The following ZMIZ1 variants were observed in gnomAD, a reference collection of about 807,000 sequenced individuals.
ZMIZ1 encodes zinc finger MIZ-type containing 1.
In ZMIZ1, 17 loss-of-function variants were observed where a neutral mutation model predicts 113.9. That is an observed-to-expected ratio of 0.15 (90% CI 0.10 to 0.22). The LOEUF is 0.22. ZMIZ1 is among the 10% of genes least tolerant of loss of function. The probability of loss-of-function intolerance (pLI) is 1.00; values close to 1 mark genes in which losing one functional copy is unlikely to be tolerated. For missense variants in ZMIZ1, 1,059 were observed against 1,477.8 expected (o/e 0.72, Z 4.65); for synonymous variants, 607 against 603.1 (o/e 1.01, Z -0.09).
rs573573870 is a variant in ZMIZ1, at chr10:79,218,192, T to TG, written c.280+1919dup. On this transcript the variant is annotated intron_variant, in intron 7 of 24. Transcript: ENST00000334512. The stretch of plus-strand genomic sequence containing the variant: ...CGAAAACTTTATTTATGAAAACAAG[T>TG]GCTGTGTGCAGTGGCTCACACCTGT... Among the ~76,000 whole-genome samples, 613 of 152,250 alleles carry TG rather than the reference T, an allele frequency of 4.0e-3. 1 individual carries two copies. Among genetic ancestry groups the TG allele is most frequent in the African/African-American group, 0.014 (567 of 41,548 alleles).
chr10:79,082,463 C>T (rs1365743497), intron 1 of ZMIZ1, among the ~76,000 whole-genome samples: 1 of 152,196 alleles, frequency 6.6e-6, no homozygotes, highest in Non-Finnish European at 1.5e-5. Flanking sequence ...GGTGTGATCC[C>T]TTCCAGGCCC....
chr10:79,161,133 A>C (rs1165401416), intron 3 of ZMIZ1, among the ~76,000 whole-genome samples: 1 of 151,836 alleles, frequency 6.6e-6, no homozygotes, highest in East Asian at 1.9e-4. Context: ...GTGTGCCCAC[A>C]CTCCCAGTGC....
intron 4 of ZMIZ1, among the ~76,000 whole-genome samples, chr10:79,163,087 T>A (rs1277163354): frequency 6.6e-6 from 1 of 152,250 alleles, no homozygotes; most frequent in Non-Finnish European, 1.5e-5. Context: ...GATGAGAGAC[T>A]TCACAAAAAT....
At chr10:79,240,450 C>T (rs1034412120) in intron 7 of ZMIZ1, among the ~76,000 whole-genome samples, 1 of 152,088 alleles carries the variant, frequency 6.6e-6, no homozygotes, top group African/African-American at 2.4e-5. Context: ...GGTTGGAGTG[C>T]CCGTATTTCT....
In ZMIZ1 at chr10:79,224,533, G is replaced by A. The variant is rs149072207; in HGVS notation, c.280+8259G>A. On this transcript the variant is annotated intron_variant, in intron 7 of 24. Transcript: ENST00000334512. The stretch of plus-strand genomic sequence containing the variant: ...GGTGTACACAAGGACACCCTGGGCC[G>A]AGCCAGTGGGTACCTGCTTTCCAGG... 4.6e-3 allele frequency among the ~76,000 whole-genome samples: 698 copies of A among 152,244 alleles called. 7 individuals are homozygous for A. The highest frequency in any genetic ancestry group is 0.015 in the African/African-American group (643 of 41,520).
In ZMIZ1 at chr10:79,281,485, G is replaced by A. The variant is rs60308152; in HGVS notation, c.425+4160G>A. Among the ~76,000 whole-genome samples, 1,411 of 152,252 alleles carry A rather than the reference G, an allele frequency of 9.3e-3. 22 individuals are homozygous for A. Among genetic ancestry groups the A allele is most frequent in the African/African-American group, 0.033 (1,369 of 41,532 alleles). On this transcript the variant is annotated intron_variant, in intron 8 of 24. Coordinates refer to ENST00000334512, the MANE Select transcript of ZMIZ1 (RefSeq NM_020338.4). The stretch of plus-strand genomic sequence containing the variant: ...GCTTTCCCAAGAAATGTTATGGGCC[G>A]AAGAGCCACTGGCCAGCACCCAGTG...
rs1233548303 is a variant in ZMIZ1, at chr10:79,069,806, T to C, written c.-337+536T>C. On this transcript the variant is annotated intron_variant, in intron 1 of 24. Coordinates refer to ENST00000334512, the MANE Select transcript of ZMIZ1 (RefSeq NM_020338.4). This position sits in a 1 kb window ranked among gnomAD's most constrained non-coding sequence, Gnocchi z 4.6. Reference sequence around the variant, plus strand: ...GAATTTCCAGGGAAAACATACACTTTTGTAAATGGGAGGTGGGGGCGCGGT... The same window carrying C: ...GAATTTCCAGGGAAAACATACACTTCTGTAAATGGGAGGTGGGGGCGCGGT... 5.9e-5 allele frequency among the ~76,000 whole-genome samples: 9 copies of C among 152,002 alleles called. No homozygotes were observed. The highest frequency in any genetic ancestry group is 1.5e-5 in the Non-Finnish European group (1 of 67,962).
chr10:79,100,437 G>GAAA (rs748608550), intron 1 of ZMIZ1, among the ~76,000 whole-genome samples: 11 of 110,728 alleles, frequency 9.9e-5, no homozygotes, highest in South Asian at 3.2e-4. Context: ...CACCATCTCT[G>GAAA]AAAAAAAAAA....
intron 7 of ZMIZ1, among the ~76,000 whole-genome samples, chr10:79,236,316 G>A (rs1849584250): frequency 6.6e-6 from 1 of 152,224 alleles, no homozygotes; most frequent in South Asian, 2.1e-4. Context: ...GGCTGCTCCA[G>A]CCCAGACAGG....
At chr10:79,257,617 A>C (rs1438785023) in intron 7 of ZMIZ1, among the ~76,000 whole-genome samples, 1 of 152,218 alleles carries the variant, frequency 6.6e-6, no homozygotes, top group Non-Finnish European at 1.5e-5. Flanking sequence ...CTCACAGACC[A>C]TGGTGATGTT....
At chr10:79,264,524 C>T (rs1026038669) in intron 7 of ZMIZ1, among the ~76,000 whole-genome samples, 10 of 152,226 alleles carry the variant, frequency 6.6e-5, no homozygotes, top group Non-Finnish European at 1.5e-4. Context: ...TGGTCTAGAG[C>T]TCCTCCGCCA....
In ZMIZ1 at chr10:79,311,067, G is replaced by A. The variant is rs147630972; in HGVS notation, c.2979G>A (p.Pro993=). 1.8e-3 allele frequency: 2,905 copies of A among 1,613,430 alleles called. 7 individuals carry two copies. The highest frequency in any genetic ancestry group is 2.2e-3 in the Non-Finnish European group (2,557 of 1,179,980). The stretch of plus-strand genomic sequence containing the variant: ...CTCCTTCCCAGCCTCCCCGGCAGCC[G>A]CCACAGGCCGCTCCCAGCAGCCATC... ...PPPPSQPPRQ[P]PQAAPSSHPH... Residue 993 remains proline (P), a synonymous_variant, in exon 24 of 25, where the codon CCG becomes CCA. Transcript: ENST00000334512.
chr10:79,311,108 C>A lies in ZMIZ1; in HGVS notation c.3020C>A (p.Thr1007Asn). Reference protein sequence around the residue: ...APSSHPHSDLTFNPSSALEGQ... With the variant: ...APSSHPHSDLNFNPSSALEGQ... Reference sequence around the variant, plus strand: ...AGCAGCCATCCACACAGCGACCTGACCTTTAACCCCTCCTCAGCCTTAGAG... The same window carrying A: ...AGCAGCCATCCACACAGCGACCTGAACTTTAACCCCTCCTCAGCCTTAGAG... Residue 1007 changes from threonine to asparagine, a missense_variant, in exon 24 of 25, where the codon ACC becomes AAC. By Grantham distance (65) the Thr-to-Asn change is moderately conservative. Transcript: ENST00000334512. 1 of 1,613,764 alleles carries A rather than the reference C, an allele frequency of 6.2e-7. No homozygotes were observed. Among genetic ancestry groups the A allele is most frequent in the South Asian group, 1.1e-5 (1 of 91,082 alleles).
intron 1 of ZMIZ1, among the ~76,000 whole-genome samples, chr10:79,097,666 T>C (rs1843218282): frequency 1.3e-5 from 2 of 152,234 alleles, no homozygotes; most frequent in African/African-American, 2.4e-5. Flanking sequence ...TGGCAAGCTC[T>C]GATAGAAATT....
chr10:79,243,261 T>C (rs1589472761), intron 7 of ZMIZ1, among the ~76,000 whole-genome samples: 2 of 149,116 alleles, frequency 1.3e-5, no homozygotes, highest in East Asian at 2.0e-4. Context: ...GCGCGCCCCG[T>C]GCGCCCCCGC....
chr10:79,202,237 A>G (rs1188162273), intron 5 of ZMIZ1, among the ~76,000 whole-genome samples: 3 of 147,702 alleles, frequency 2.0e-5, no homozygotes, highest in Non-Finnish European at 4.5e-5. Flanking sequence ...GAAGGAAGGA[A>G]GGAGGGAGAA....
At chr10:79,276,036 G>A (rs1165682876) in intron 7 of ZMIZ1, among the ~76,000 whole-genome samples, 2 of 152,094 alleles carry the variant, frequency 1.3e-5, no homozygotes, top group African/African-American at 2.4e-5. Flanking sequence ...CTTCCATAAC[G>A]CTCAGGTCAC....
intron 6 of ZMIZ1, among the ~76,000 whole-genome samples, chr10:79,211,089 C>T (rs1848512705): frequency 6.6e-6 from 1 of 152,192 alleles, no homozygotes; most frequent in African/African-American, 2.4e-5. Flanking sequence ...GTAGAGCCAG[C>T]AGCTTGAAGG....
intron 4 of ZMIZ1, among the ~76,000 whole-genome samples, chr10:79,189,813 G>A (rs958086923): frequency 6.6e-6 from 1 of 152,268 alleles, no homozygotes; most frequent in African/African-American, 2.4e-5. Flanking sequence ...CAGCCAGGAA[G>A]CGTGTTTTCG....
Sources: allele counts gnomAD v4.1 joint callset (sites outside exome capture counted in the v4.1 genomes callset), GRCh38; gene constraint gnomAD v4.1.1; non-coding constraint Gnocchi (gnomAD v3.1); transcripts MANE v1.5; gene names NCBI Gene and HGNC (gene_info 2026-07-23, HGNC 2026-07-21).